AFF3: variants seen among roughly 807,000 people sequenced by gnomAD.
The protein encoded by AFF3 is AF4/FMR2 family member 3.
AFF3 carries 32 observed loss-of-function variants against 129.7 expected under a neutral mutation model. The observed-to-expected ratio is 0.25, with a 90% CI of 0.19 to 0.33. The LOEUF (loss-of-function observed/expected upper bound fraction) is 0.33, where lower values mean the gene tolerates loss of function less well. Ranked by LOEUF, AFF3 falls within the 10% of genes least tolerant of loss-of-function variation. The pLI is 1.00. For synonymous variants in AFF3, 644 were observed against 635.4 expected (o/e 1.01, Z -0.20); for missense variants, 1,373 against 1,592.0 (o/e 0.86, Z 2.34).
intron 18 of AFF3, among the ~76,000 whole-genome samples, chr2:99,576,982 G>A (rs1677059942): frequency 6.6e-6 from 1 of 152,084 alleles, no homozygotes; most frequent in African/African-American, 2.4e-5. Flanking sequence ...GAGGAAGCGG[G>A]GTGGTGAGGG....
Position 99,966,550 on chromosome 2 carries a change from C to T in AFF3, c.873+40082G>A, listed in dbSNP as rs1677775324. Among the ~76,000 whole-genome samples, 5 of 149,546 alleles carry T rather than the reference C, an allele frequency of 3.3e-5. No homozygotes were observed. The South Asian group carries it at 1.1e-3, about 32-fold the overall frequency. On this transcript the variant is annotated intron_variant, in intron 7 of 24. Transcript: ENST00000672756. ...CTAAAAATACAAAAAATTAGCCGGG[C>T]GTAGTGGCGGGCGCCTGTAGTCCCA...
At chr2:99,864,546 T>C (rs1021897658) in intron 7 of AFF3, among the ~76,000 whole-genome samples, 7 of 152,184 alleles carry the variant, frequency 4.6e-5, no homozygotes, top group Non-Finnish European at 5.9e-5. Flanking sequence ...CAGGCTACCA[T>C]TGTCATGAAA....
At chr2:99,575,939 G>C (rs1034382538) in intron 18 of AFF3, among the ~76,000 whole-genome samples, 1 of 152,132 alleles carries the variant, frequency 6.6e-6, no homozygotes, top group Non-Finnish European at 1.5e-5. Context: ...TGCCAGCCAC[G>C]GTGGCTCACG....
At chr2:100,120,178 C>T (rs536053809) in intron 2 of AFF3, among the ~76,000 whole-genome samples, 1 of 152,310 alleles carries the variant, frequency 6.6e-6, no homozygotes, top group South Asian at 2.1e-4. Context: ...AGGCGACACA[C>T]CTGCCAGTGT....
At chr2:99,591,450 G>C (rs551018376) in intron 15 of AFF3, among the ~76,000 whole-genome samples, 26 of 152,280 alleles carry the variant, frequency 1.7e-4, no homozygotes, top group African/African-American at 4.8e-4. Context: ...GCCTCCCAAA[G>C]TGCTAGGATT....
intron 13 of AFF3, among the ~76,000 whole-genome samples, chr2:99,647,377 G>C (rs1684787631): frequency 6.6e-6 from 1 of 152,186 alleles, no homozygotes; most frequent in Admixed American, 6.5e-5. Flanking sequence ...ATTATCCTCA[G>C]CAAACTAATG....
At chr2:100,025,830 AT>A (rs1683990744) in intron 4 of AFF3, among the ~76,000 whole-genome samples, 1 of 152,256 alleles carries the variant, frequency 6.6e-6, no homozygotes, top group Non-Finnish European at 1.5e-5. Context: ...TGGTGCTGGG[AT>A]AACTGGCTAG....
Position 99,893,972 on chromosome 2 carries a change from C to T in AFF3, c.874-56448G>A, listed in dbSNP as rs147543925. The stretch of plus-strand genomic sequence containing the variant: ...TTATCTGTAAACTGGAGCTAATAAC[C>T]GGCCTTCTCTCATGGAATGGTTGTG... On this transcript the variant is annotated intron_variant, in intron 7 of 24. Coordinates refer to ENST00000672756, the MANE Select transcript of AFF3 (RefSeq NM_001386135.1). 6.4e-3 allele frequency among the ~76,000 whole-genome samples: 972 copies of T among 152,166 alleles called. 22 individuals carry two copies. Among genetic ancestry groups the T allele is most frequent in the African/African-American group, 0.022 (931 of 41,502 alleles).
chr2:100,012,766 T>G (rs939892257), intron 4 of AFF3, among the ~76,000 whole-genome samples: 5 of 152,222 alleles, frequency 3.3e-5, no homozygotes, highest in Non-Finnish European at 5.9e-5. Context: ...CTGGGATGGC[T>G]GACTTAGGTC....
Position 99,554,412 on chromosome 2 carries a change from C to G in AFF3, c.3458G>C (p.Arg1153Pro). 1.2e-6 allele frequency: 2 copies of G among 1,614,106 alleles called. No individual in the cohort carries two copies. Among genetic ancestry groups the G allele is most frequent in the Non-Finnish European group, 1.7e-6 (2 of 1,180,014 alleles). ...GTGGTTGGCCGCCATCTGGTGGATGCGCTGTGGGATGCTGACGATGGTCGA... is the reference window on the plus strand; with the variant it reads ...GTGGTTGGCCGCCATCTGGTGGATGGGCTGTGGGATGCTGACGATGGTCGA... Reference protein sequence around the residue: ...SPSTIVSIPQRIHQMAANHVS... With the variant: ...SPSTIVSIPQPIHQMAANHVS... The change falls in exon 24 of 25, where the codon CGC becomes CCC. Residue 1153 changes from arginine (R) to proline (P), a missense_variant. Coordinates refer to ENST00000672756, the MANE Select transcript of AFF3 (RefSeq NM_001386135.1).
chr2:99,767,324 T>G (rs145592297), intron 8 of AFF3, among the ~76,000 whole-genome samples: 1 of 152,310 alleles, frequency 6.6e-6, no homozygotes, highest in East Asian at 1.9e-4. Flanking sequence ...AATTAGCATT[T>G]TGGCAAAGAA....
intron 11 of AFF3, among the ~76,000 whole-genome samples, chr2:99,675,910 T>G (rs924118066): frequency 1.3e-5 from 2 of 151,874 alleles, no homozygotes; most frequent in Admixed American, 1.3e-4. Flanking sequence ...ACAAAAGTGT[T>G]CAACCAAGAG....
intron 12 of AFF3, among the ~76,000 whole-genome samples, chr2:99,672,221 C>CACACACAT (rs1687225929): frequency 3.4e-5 from 1 of 29,330 alleles, no homozygotes; most frequent in Non-Finnish European, 5.8e-5. Context: ...CACACACACA[C>CACACACAT]ACACACACAC....
chr2:99,995,844 ATATT>A (rs1301804109), intron 7 of AFF3, among the ~76,000 whole-genome samples: 1 of 152,228 alleles, frequency 6.6e-6, no homozygotes, highest in Non-Finnish European at 1.5e-5. Context: ...GATTTTCTTA[ATATT>A]TAAACAACTC....
chr2:99,646,948 T>C (rs930736106), intron 13 of AFF3, among the ~76,000 whole-genome samples: 3 of 152,168 alleles, frequency 2.0e-5, no homozygotes, highest in African/African-American at 7.2e-5. Context: ...CCTGAATTAG[T>C]AGAGAATAGA....
intron 12 of AFF3, among the ~76,000 whole-genome samples, chr2:99,656,904 G>T (rs1166074598): frequency 6.6e-6 from 1 of 152,042 alleles, no homozygotes; most frequent in Non-Finnish European, 1.5e-5. Context: ...CTCTATAGGG[G>T]TCAGGCAGTC....
Position 99,551,176 on chromosome 2 carries a change from G to T in AFF3, c.*298C>A. On this transcript the variant is annotated 3_prime_UTR_variant, in exon 25 of 25. Coordinates refer to ENST00000672756, the MANE Select transcript of AFF3 (RefSeq NM_001386135.1). ...ACGGTGTGTGTGTGTGTGTGTGTGT[G>T]TGTGTGTACTTCCTCTAGTCAGAAA... The T allele has an allele frequency of 1.9e-6, 1 of 536,324 alleles. No homozygotes were observed. Among genetic ancestry groups the T allele is most frequent in the Non-Finnish European group, 3.3e-6 (1 of 300,338 alleles). 33.2% of individuals were successfully genotyped at this position (536,324 alleles called of 1,614,324 possible). A position where few individuals can be genotyped will look rare whatever the true frequency, so the allele number is the denominator to read the frequency against.
chr2:99,897,189 T>C (rs1694036972), intron 7 of AFF3, among the ~76,000 whole-genome samples: 1 of 152,204 alleles, frequency 6.6e-6, no homozygotes, highest in Admixed American at 6.5e-5. Flanking sequence ...ATAATTATGA[T>C]TGCTATTTTG....
At chr2:100,039,123 A>G (rs1685215523) in intron 4 of AFF3, among the ~76,000 whole-genome samples, 1 of 152,224 alleles carries the variant, frequency 6.6e-6, no homozygotes, top group South Asian at 2.1e-4. Context: ...AAATTTTTGT[A>G]GTTAAGTGAA....
Sources: allele counts gnomAD v4.1 joint callset (sites outside exome capture counted in the v4.1 genomes callset), GRCh38; gene constraint gnomAD v4.1.1; transcripts MANE v1.5; gene names NCBI Gene and HGNC (gene_info 2026-07-23, HGNC 2026-07-21).